C1QTNF7: variants seen among roughly 807,000 people sequenced by gnomAD.
C1QTNF7 encodes C1q and TNF related 7, also known as complement C1q tumor necrosis factor-related protein 7.
C1QTNF7 carries 15 observed loss-of-function variants against 19.6 expected under a neutral mutation model. The observed-to-expected ratio is 0.76, with a 90% CI of 0.51 to 1.18. The LOEUF is 1.18. C1QTNF7 is among the 50% of genes most tolerant of loss of function. The pLI is 0.00. For missense variants in C1QTNF7, 324 were observed against 359.7 expected, an observed-to-expected ratio of 0.90 and a Z score of 0.80; for synonymous variants, 142 against 137.5, an observed-to-expected ratio of 1.03 and a Z score of -0.23.
chr4:15,370,079 T>C (rs1717665287), intron 1 of C1QTNF7, among the ~76,000 whole-genome samples: 1 of 152,188 alleles, frequency 6.6e-6, no homozygotes, highest in Admixed American at 6.5e-5. Context: ...CCTAATACTA[T>C]TGTACTCATG....
intron 1 of C1QTNF7, among the ~76,000 whole-genome samples, chr4:15,381,071 T>C (rs910242456): frequency 1.3e-5 from 2 of 152,128 alleles, no homozygotes; most frequent in East Asian, 3.9e-4. Context: ...GAATTTAATA[T>C]ATAAATTGGA....
intron 1 of C1QTNF7, among the ~76,000 whole-genome samples, chr4:15,431,415 AG>A (rs1345028055): frequency 2.6e-5 from 4 of 152,210 alleles, no homozygotes; most frequent in African/African-American, 9.7e-5. Context: ...GAAGACTCAA[AG>A]GGAGGTGAAG....
intron 1 of C1QTNF7, among the ~76,000 whole-genome samples, chr4:15,343,874 G>T (rs977092214): frequency 1.3e-5 from 2 of 152,158 alleles, no homozygotes; most frequent in East Asian, 3.8e-4. Flanking sequence ...TACCCATTTG[G>T]CAGATGAGAA....
chr4:15,436,188 T>A (rs1712529500), intron 2 of C1QTNF7, among the ~76,000 whole-genome samples: 1 of 152,202 alleles, frequency 6.6e-6, no homozygotes, highest in South Asian at 2.1e-4. Context: ...GACAACTCTT[T>A]CAGCTGAATG....
Position 15,443,202 on chromosome 4 carries a change from TATAGTAA to T in C1QTNF7, c.*404_*410del, listed in dbSNP as rs1712857682. ...ATCTTTGACAATTCTCGAAAGGCTA[TATAGTAA>T]GTCAAAAACCAAAGGTAAGAGATGC... On this transcript the variant is annotated 3_prime_UTR_variant, in exon 3 of 3. Coordinates refer to ENST00000444304, the MANE Select transcript of C1QTNF7 (RefSeq NM_031911.5). 6.4e-6 allele frequency: 1 copy of T among 156,010 alleles called. No individual in the cohort carries two copies. Among genetic ancestry groups the T allele is most frequent in the Admixed American group, 6.3e-5 (1 of 15,778 alleles). 9.7% of individuals were successfully genotyped at this position (156,010 alleles called of 1,614,324 possible). A position where few individuals can be genotyped will look rare whatever the true frequency, so the allele number is the denominator to read the frequency against.
At chr4:15,362,838 T>C (rs1717391283) in intron 1 of C1QTNF7, among the ~76,000 whole-genome samples, 1 of 152,230 alleles carries the variant, frequency 6.6e-6, no homozygotes, top group Non-Finnish European at 1.5e-5. Context: ...GCTTGCCTAA[T>C]AGTTTATTAT....
chr4:15,380,069 C>T (rs1718082264), intron 1 of C1QTNF7, among the ~76,000 whole-genome samples: 1 of 152,126 alleles, frequency 6.6e-6, no homozygotes, highest in Non-Finnish European at 1.5e-5. Context: ...CAGTTAATGC[C>T]CAACAAAATG....
At chr4:15,364,670 A>G (rs1717448855) in intron 1 of C1QTNF7, among the ~76,000 whole-genome samples, 1 of 152,208 alleles carries the variant, frequency 6.6e-6, no homozygotes, top group African/African-American at 2.4e-5. Context: ...ATTACACATA[A>G]ACTTTCCATA....
At chr4:15,340,071 T>C (rs1716485997) in exon 1 of C1QTNF7, 1 of 1,130,456 alleles carries the variant, frequency 8.8e-7, no homozygotes, top group Admixed American at 2.0e-5. Context: ...TTTTTTGCAT[T>C]GTTTTGGAGT....
intron 2 of C1QTNF7, among the ~76,000 whole-genome samples, chr4:15,440,360 G>T (rs996165218): frequency 6.6e-6 from 1 of 151,140 alleles, no homozygotes; most frequent in Non-Finnish European, 1.5e-5. Flanking sequence ...AACATCATTC[G>T]ACTAAGAAGG....
chr4:15,354,778 G>T (rs191960892), intron 1 of C1QTNF7, among the ~76,000 whole-genome samples: 1 of 152,206 alleles, frequency 6.6e-6, no homozygotes, highest in East Asian at 1.9e-4. Flanking sequence ...GAGGGAAAAA[G>T]TAAGATTTTT....
chr4:15,351,308 C>G (rs1716927783), intron 1 of C1QTNF7, among the ~76,000 whole-genome samples: 1 of 152,126 alleles, frequency 6.6e-6, no homozygotes, highest in African/African-American at 2.4e-5. Context: ...CATGAACATA[C>G]ATTAGTAAGC....
chr4:15,350,219 G>T (rs1404884397), intron 1 of C1QTNF7, among the ~76,000 whole-genome samples: 1 of 111,234 alleles, frequency 9.0e-6, no homozygotes, highest in East Asian at 3.3e-4. Context: ...GGAAGGGAGG[G>T]AAGGAAGGAG....
intron 1 of C1QTNF7, among the ~76,000 whole-genome samples, chr4:15,414,999 A>C (rs1333784292): frequency 3.9e-5 from 6 of 152,234 alleles, no homozygotes; most frequent in Non-Finnish European, 4.4e-5. Context: ...ATCATAAAAC[A>C]TGAGTGCGCA....
At chr4:15,356,548 G>A (rs1717153356) in intron 1 of C1QTNF7, among the ~76,000 whole-genome samples, 1 of 152,144 alleles carries the variant, frequency 6.6e-6, no homozygotes, top group African/African-American at 2.4e-5. Flanking sequence ...GAATAGTGCT[G>A]TAATAAACAT....
At chr4:15,348,126 T>C (rs1466165728) in intron 1 of C1QTNF7, among the ~76,000 whole-genome samples, 2 of 152,190 alleles carry the variant, frequency 1.3e-5, no homozygotes, top group East Asian at 1.9e-4. Context: ...TCTTTCTCTT[T>C]GCCTCTTTGC....
At chr4:15,413,540 T>G (rs534458024) in intron 1 of C1QTNF7, among the ~76,000 whole-genome samples, 2 of 152,368 alleles carry the variant, frequency 1.3e-5, no homozygotes, top group East Asian at 3.9e-4. Flanking sequence ...GAAAACCCTG[T>G]GAGACCCAAT....
chr4:15,360,804 A>G (rs1717318669), intron 1 of C1QTNF7, among the ~76,000 whole-genome samples: 1 of 152,182 alleles, frequency 6.6e-6, no homozygotes, highest in South Asian at 2.1e-4. Context: ...CAAGTAGATG[A>G]ATTTGCAATT....
At chr4:15,343,874 G>A (rs977092214) in intron 1 of C1QTNF7, among the ~76,000 whole-genome samples, 2 of 152,158 alleles carry the variant, frequency 1.3e-5, no homozygotes, top group Admixed American at 6.5e-5. Context: ...TACCCATTTG[G>A]CAGATGAGAA....
Sources: gnomAD v4.1 joint callset for allele counts (sites outside exome capture counted in the v4.1 genomes callset) on GRCh38, gnomAD v4.1.1 for gene constraint, MANE v1.5 for transcripts, NCBI Gene and HGNC (gene_info 2026-07-23, HGNC 2026-07-21) for gene names.